DLEC1: variants seen among roughly 807,000 people sequenced by gnomAD.
DLEC1 encodes DLEC1 cilia and flagella associated protein, also known as deleted in lung and esophageal cancer protein 1.
A neutral mutation model predicts 198.1 loss-of-function variants in DLEC1; 146 were observed. The ratio of observed to expected loss-of-function variants is 0.74; its 90% CI spans 0.64 to 0.85. DLEC1 has a LOEUF of 0.85. DLEC1 is among the 40% of genes least tolerant of loss of function. The pLI is 0.00. For missense variants in DLEC1, 2,233 were observed against 2,220.0 expected (o/e 1.01, Z -0.12); for synonymous variants, 897 against 866.8 (o/e 1.03, Z -0.61).
At chr3:38,097,962 T>C in intron 18 of DLEC1, 60 bp downstream of exon 18, 1 of 1,601,374 alleles carries the variant, frequency 6.2e-7, no homozygotes, top group Non-Finnish European at 8.5e-7. Flanking sequence ...TAGCTTGCCC[T>C]GGTGAAACTT....
Position 38,039,214 on chromosome 3 carries a change from G to A in DLEC1, c.-12G>A. Reference sequence around the variant, plus strand: ...CGAAGTGCCGCAGGGAGTTAGCGGCGTCTCGGTTGCCATGGAGACCAGGAG... The same window carrying A: ...CGAAGTGCCGCAGGGAGTTAGCGGCATCTCGGTTGCCATGGAGACCAGGAG... On this transcript the variant is annotated 5_prime_UTR_variant, in exon 1 of 37. Transcript: ENST00000308059. 1 of 1,585,634 alleles carries A rather than the reference G, an allele frequency of 6.3e-7. No individual in the cohort carries two copies. The highest frequency in any genetic ancestry group is 8.6e-7 in the Non-Finnish European group (1 of 1,164,046).
chr3:38,069,779 A>G (rs11928949), intron 6 of DLEC1, among the ~76,000 whole-genome samples: 9,992 of 152,268 alleles, frequency 0.066, 431 homozygotes, highest in Middle Eastern at 0.12. Flanking sequence ...ATACCATCCC[A>G]TGGTGCTCAC....
At chr3:38,058,753 T>C (rs1696517831) in intron 2 of DLEC1, among the ~76,000 whole-genome samples, 1 of 152,008 alleles carries the variant, frequency 6.6e-6, no homozygotes, top group African/African-American at 2.4e-5. Flanking sequence ...CTATGTAGGT[T>C]CTTCAGTAGT....
chr3:38,091,928 T>C (rs1343893067), intron 10 of DLEC1, among the ~76,000 whole-genome samples: 1 of 152,196 alleles, frequency 6.6e-6, no homozygotes, highest in Non-Finnish European at 1.5e-5. Context: ...ACAGCCGTTA[T>C]GGAAAATAAT....
At chr3:38,080,802 CTTTTTTT>C (rs76282097) in intron 6 of DLEC1, among the ~76,000 whole-genome samples, 1 of 112,798 alleles carries the variant, frequency 8.9e-6, no homozygotes, top group African/African-American at 3.4e-5. Flanking sequence ...TTCGGGTGTT[CTTTTTTT>C]TTTTTTTTTT....
Position 38,123,709 on chromosome 3 carries a change from T to C in DLEC1, c.*1297T>C, listed in dbSNP as rs1350232548. On this transcript the variant is annotated 3_prime_UTR_variant, in exon 37 of 37. Transcript: ENST00000308059. ...TTTTAAAAGATTGATTTAAAAGATA[T>C]TTACATTTTTAGGCCAGGTGTGGTG... is the stretch of plus-strand genomic sequence containing the variant. The C allele has an allele frequency of 6.6e-6, 1 of 152,304 alleles. No homozygotes were observed. The highest frequency in any genetic ancestry group is 1.5e-5 in the Non-Finnish European group (1 of 68,154). The allele number at this position is 152,304 out of a possible 1,614,324, so 9.4% of individuals were successfully genotyped here.
Position 38,108,564 on chromosome 3 carries a change from A to T in DLEC1, c.3129+49A>T, listed in dbSNP as rs774367299. 2.1e-6 allele frequency: 3 copies of T among 1,447,520 alleles called. No individual in the cohort carries two copies. The Admixed American group carries it at 5.2e-5, about 25-fold the overall frequency. 89.7% of individuals were successfully genotyped at this position (1,447,520 alleles called of 1,614,324 possible). A position where few individuals can be genotyped will look rare whatever the true frequency, so the allele number is the denominator to read the frequency against. Reference sequence around the variant, plus strand: ...GAGTGACCGGGAAGGCACCCTGCCAACCATACGCACCTGTGCCACCAGGGA... The same window carrying T: ...GAGTGACCGGGAAGGCACCCTGCCATCCATACGCACCTGTGCCACCAGGGA... On this transcript the variant is annotated intron_variant, in intron 21 of 36. Transcript: ENST00000308059.
In DLEC1 at chr3:38,083,782, T is replaced by A. The variant is rs1651664054; in HGVS notation, c.1174-376T>A. ...GTATTTTATTTATTTGTTTTTAAAA[T>A]TTTAAACTAATTTTTTTGTTTTTTT... On this transcript the variant is annotated intron_variant, in intron 6 of 36. Coordinates refer to ENST00000308059, the MANE Select transcript of DLEC1 (RefSeq NM_007335.4). Among the ~76,000 whole-genome samples, 3 of 147,144 alleles carry A rather than the reference T, an allele frequency of 2.0e-5. No individual in the cohort carries two copies. In the Admixed American group the frequency reaches 2.1e-4, roughly 10 times the overall value.
At chr3:38,121,837 A>G in intron 35 of DLEC1, 56 bp downstream of exon 35, 1 of 1,587,760 alleles carries the variant, frequency 6.3e-7, no homozygotes. Flanking sequence ...TGCCAAGAGA[A>G]GACCCCCCAG....
intron 19 of DLEC1, 80 bp downstream of exon 19, chr3:38,100,505 GA>G (rs1699251956): frequency 1.4e-6 from 2 of 1,401,116 alleles, no homozygotes; most frequent in Admixed American, 5.6e-5. Flanking sequence ...TATTTATCTA[GA>G]GATGTTCTGG....
At chr3:38,051,078 T>A (rs544829409) in intron 2 of DLEC1, among the ~76,000 whole-genome samples, 1 of 152,246 alleles carries the variant, frequency 6.6e-6, no homozygotes, top group Non-Finnish European at 1.5e-5. Flanking sequence ...TTTTTGTATT[T>A]TTTGTAGAGA....
chr3:38,047,663 A>C (rs533346885), intron 2 of DLEC1, among the ~76,000 whole-genome samples: 1 of 152,308 alleles, frequency 6.6e-6, no homozygotes, highest in African/African-American at 2.4e-5. Flanking sequence ...TATGAGGTTT[A>C]GGTTCAATGA....
rs1422819917 is a variant in DLEC1, at chr3:38,051,666, C to T, written c.562+5973C>T. The T allele has an allele frequency of 3.1e-5, 7 of 222,376 alleles. No individual in the cohort carries two copies. In the East Asian group the frequency reaches 6.7e-4, roughly 21 times the overall value. 13.8% of individuals were successfully genotyped at this position (222,376 alleles called of 1,614,324 possible). A position where few individuals can be genotyped will look rare whatever the true frequency, so the allele number is the denominator to read the frequency against. On this transcript the variant is annotated intron_variant, in intron 2 of 36. Transcript: ENST00000308059. ...CAGCAGAGCTAGAGAATAAAAGCCGCCCTCATTCTAGGGGAGAATATAATG... is the reference window on the plus strand; with the variant it reads ...CAGCAGAGCTAGAGAATAAAAGCCGTCCTCATTCTAGGGGAGAATATAATG...
intron 6 of DLEC1, among the ~76,000 whole-genome samples, chr3:38,083,155 G>A (rs1490554138): frequency 2.0e-5 from 3 of 151,684 alleles, no homozygotes; most frequent in African/African-American, 7.3e-5. Context: ...ATCGGTCTGA[G>A]GACCTGAGGT....
chr3:38,060,559 G>A (rs1216401170), intron 3 of DLEC1, among the ~76,000 whole-genome samples: 5 of 152,202 alleles, frequency 3.3e-5, no homozygotes, highest in Non-Finnish European at 7.3e-5. Flanking sequence ...CTGAGAAGGT[G>A]TTTGGGGTGG....
rs1279340103 is a variant in DLEC1 at position 38,120,486 on chromosome 3, C to T, written c.4743C>T (p.Ser1581=). ...VSFSLSLELL[S]YQKLPADQTL... is the part of the protein sequence containing the mutation. The stretch of plus-strand genomic sequence containing the variant: ...TCTCACTCTCCCTGGAGCTGCTCTC[C>T]TATCAGAAGCTCCCAGCTGACCAGA... Residue 1581 remains serine (S), a synonymous_variant, in exon 34 of 37, where the codon TCC becomes TCT. Transcript: ENST00000308059. 1.9e-6 allele frequency: 3 copies of T among 1,614,206 alleles called. No individual in the cohort carries two copies. The highest frequency in any genetic ancestry group is 3.3e-5 in the Admixed American group (2 of 60,024).
At chr3:38,107,293 T>C (rs1256408753) in intron 19 of DLEC1, among the ~76,000 whole-genome samples, 4 of 152,246 alleles carry the variant, frequency 2.6e-5, no homozygotes, top group Non-Finnish European at 5.9e-5. Flanking sequence ...CAGAGTGTTC[T>C]TGCAACAATT....
intron 25 of DLEC1, among the ~76,000 whole-genome samples, chr3:38,113,924 A>C (rs1700014213): frequency 6.6e-6 from 1 of 152,096 alleles, no homozygotes; most frequent in Non-Finnish European, 1.5e-5. Flanking sequence ...AAAGTAATAA[A>C]GTTCTTTTCA....
chr3:38,119,133 G>A (rs1311260827), intron 33 of DLEC1, among the ~76,000 whole-genome samples: 1 of 152,206 alleles, frequency 6.6e-6, no homozygotes, highest in Non-Finnish European at 1.5e-5. Context: ...GCAGCTCTGG[G>A]GAAGCCCAAA....
Sources: gnomAD v4.1 joint callset for allele counts (sites outside exome capture counted in the v4.1 genomes callset) on GRCh38, gnomAD v4.1.1 for gene constraint, MANE v1.5 for transcripts, NCBI Gene and HGNC (gene_info 2026-07-23, HGNC 2026-07-21) for gene names.